SHISA9: variants seen among roughly 807,000 people sequenced by gnomAD.
SHISA9 encodes protein shisa-9.
SHISA9 carries 13 observed loss-of-function variants against 38.0 expected under a neutral mutation model. The observed-to-expected ratio is 0.34, with a 90% confidence interval of 0.22 to 0.54. SHISA9 has a LOEUF of 0.54. Among genes scored for constraint, SHISA9 ranks in the 20% least tolerant of loss-of-function variants. The pLI is 0.91. For missense variants in SHISA9, 538 were observed against 575.8 expected (o/e 0.93, Z 0.67); for synonymous variants, 275 against 242.0 (o/e 1.14, Z -1.27).
intron 2 of SHISA9, among the ~76,000 whole-genome samples, chr16:13,172,228 A>G (rs2050692572): frequency 6.6e-6 from 1 of 152,218 alleles, no homozygotes; most frequent in African/African-American, 2.4e-5. Flanking sequence ...TCAGTCAATC[A>G]GTGAGTATTA....
the SHISA9 span, among the ~76,000 whole-genome samples, chr16:13,515,027 A>T: frequency 0.27 from 40,367 of 152,028 alleles, 5,783 homozygotes; most frequent in South Asian, 0.43. Context: ...AAGCAAAAAG[A>T]TTAGTGGAGT....
chr16:13,379,973 G>A, the SHISA9 span, among the ~76,000 whole-genome samples: 135 of 152,106 alleles, frequency 8.9e-4, no homozygotes, highest in East Asian at 0.013. Context: ...AGTGTATGAA[G>A]GGCCTTTTAT....
intron 2 of SHISA9, among the ~76,000 whole-genome samples, chr16:13,099,593 A>G (rs1567211917): frequency 6.6e-6 from 1 of 152,104 alleles, no homozygotes; most frequent in African/African-American, 2.4e-5. Flanking sequence ...GGGACCAGCA[A>G]CTGCAAAGGC....
chr16:13,057,267 A>G (rs1596616826), intron 2 of SHISA9, among the ~76,000 whole-genome samples: 1 of 152,168 alleles, frequency 6.6e-6, no homozygotes, highest in African/African-American at 2.4e-5. Flanking sequence ...ACAGCCCTGG[A>G]TGGATGGGAT....
At chr16:13,479,641 C>A in the SHISA9 span, among the ~76,000 whole-genome samples, 1,551 of 152,252 alleles carry the variant, frequency 0.01, 24 homozygotes, top group African/African-American at 0.032. Context: ...ACATGCTAAT[C>A]ACGAGCTAGT....
chr16:13,204,206 GTCTGTCTATCTATCTATCTA>G (rs1416618128), intron 3 of SHISA9, among the ~76,000 whole-genome samples: 1 of 138,052 alleles, frequency 7.2e-6, no homozygotes. Flanking sequence ...TTATCTGTCT[GTCTGTCTATCTATCTATCTA>G]TCTATCTATC....
chr16:13,509,916 T>G, the SHISA9 span, among the ~76,000 whole-genome samples: 1 of 152,170 alleles, frequency 6.6e-6, no homozygotes, highest in Non-Finnish European at 1.5e-5. Flanking sequence ...TCCTCATCTG[T>G]GAAGTGGGAA....
intron 2 of SHISA9, among the ~76,000 whole-genome samples, chr16:13,029,722 C>T (rs1372154820): frequency 6.6e-6 from 1 of 152,236 alleles, no homozygotes; most frequent in Non-Finnish European, 1.5e-5. Flanking sequence ...AATGTGTTCT[C>T]ACTTAATTGT....
chr16:13,396,281 C>T, the SHISA9 span, among the ~76,000 whole-genome samples: 2 of 152,180 alleles, frequency 1.3e-5, no homozygotes, highest in African/African-American at 2.4e-5. Flanking sequence ...CCGAGGCCGG[C>T]GGATCACTTG....
Position 13,039,544 on chromosome 16 carries a change from CAT to C in SHISA9, c.691+122732_691+122733del, listed in dbSNP as rs547863700. Among the ~76,000 whole-genome samples the C allele has an allele frequency of 1.2e-3, 170 of 142,678 alleles. 3 individuals are homozygous for C. Among genetic ancestry groups the C allele is most frequent in the African/African-American group, 4.1e-3 (157 of 38,612 alleles). The allele number at this position is 142,678 out of a possible 152,430, so 93.6% of individuals were successfully genotyped here. A position where few individuals can be genotyped will look rare whatever the true frequency, so the allele number is the denominator to read the frequency against. On this transcript the variant is annotated intron_variant, in intron 2 of 4. Transcript: ENST00000558583. ...GAGGCTGTGAGATTAAGGAGGATGA[CAT>C]ATTGAGAGCCCAGAGAAACACAGAG...
downstream of SHISA9, among the ~76,000 whole-genome samples, chr16:13,244,852 C>G (rs948255654): frequency 6.6e-6 from 1 of 152,210 alleles, no homozygotes; most frequent in Non-Finnish European, 1.5e-5. Context: ...ACGACAATAT[C>G]TGTGATTCTA....
rs11320901 is a variant in SHISA9 at position 13,077,243 on chromosome 16, C to CTT, written c.692-126140_692-126139dup. Among the ~76,000 whole-genome samples, 132 of 145,212 alleles carry CTT rather than the reference C, an allele frequency of 9.1e-4. 1 individual carries two copies. The highest frequency in any genetic ancestry group is 7.1e-3 in the Middle Eastern group (2 of 280). ...TTTTTCACTTCTTCTTCTTCTTCTT[C>CTT]TTTTTTTTTTTTAACCTTCTGAATT... On this transcript the variant is annotated intron_variant, in intron 2 of 4. Coordinates refer to ENST00000558583, the MANE Select transcript of SHISA9 (RefSeq NM_001145204.3).
the SHISA9 span, among the ~76,000 whole-genome samples, chr16:13,348,530 A>G: frequency 6.6e-6 from 1 of 151,764 alleles, no homozygotes; most frequent in African/African-American, 2.4e-5. Flanking sequence ...ACAGCTGGCA[A>G]TTTGTCGAGC....
chr16:13,394,148 T>C, the SHISA9 span, among the ~76,000 whole-genome samples: 4 of 152,132 alleles, frequency 2.6e-5, no homozygotes, highest in African/African-American at 4.8e-5. Flanking sequence ...ATTTCTACCA[T>C]CTGCCATGAG....
intron 2 of SHISA9, among the ~76,000 whole-genome samples, chr16:13,186,853 G>A (rs2050829467): frequency 6.6e-6 from 1 of 152,242 alleles, no homozygotes; most frequent in Admixed American, 6.5e-5. Context: ...ATTTCACTTA[G>A]CATAAATAAT....
chr16:13,338,909 A>G, the SHISA9 span, among the ~76,000 whole-genome samples: 1 of 152,188 alleles, frequency 6.6e-6, no homozygotes, highest in East Asian at 1.9e-4. Flanking sequence ...TGGCAATTTA[A>G]TAGGTGGGAA....
downstream of SHISA9, among the ~76,000 whole-genome samples, chr16:13,244,569 AATACAC>A (rs1248901321): frequency 6.6e-6 from 1 of 152,238 alleles, no homozygotes; most frequent in African/African-American, 2.4e-5. Flanking sequence ...ACATACATAA[AATACAC>A]ATAGCATACT....
the SHISA9 span, among the ~76,000 whole-genome samples, chr16:13,255,992 A>G: frequency 1.3e-5 from 2 of 152,240 alleles, no homozygotes; most frequent in Admixed American, 6.5e-5. Flanking sequence ...AACCTTCCTC[A>G]CCTGTCCTGC....
intron 2 of SHISA9, among the ~76,000 whole-genome samples, chr16:13,099,845 A>G (rs749099495): frequency 6.6e-6 from 1 of 152,238 alleles, no homozygotes; most frequent in Non-Finnish European, 1.5e-5. Context: ...GTTATACTTT[A>G]CAAATCCCAG....
Sources: allele counts gnomAD v4.1 joint callset (sites outside exome capture counted in the v4.1 genomes callset), GRCh38; gene constraint gnomAD v4.1.1; transcripts MANE v1.5; gene names NCBI Gene and HGNC (gene_info 2026-07-23, HGNC 2026-07-21).